The following RBFOX1 variants were observed in gnomAD, a reference collection of about 807,000 sequenced individuals.
The protein encoded by RBFOX1 is RNA binding protein fox-1 homolog 1.
Under a neutral mutation model 57.7 loss-of-function variants are expected in RBFOX1, and 8 were observed. That is an observed-to-expected ratio of 0.14 (90% CI 0.08 to 0.25). The LOEUF is 0.25. Ranked by LOEUF, RBFOX1 falls within the 10% of genes least tolerant of loss-of-function variation. The pLI is 1.00. For synonymous variants in RBFOX1, 326 were observed against 222.4 expected, an observed-to-expected ratio of 1.47 and a Z score of -4.15; for missense variants, 611 against 548.5, an observed-to-expected ratio of 1.11 and a Z score of -1.14.
intron 1 of RBFOX1, among the ~76,000 whole-genome samples, chr16:5,290,266 G>A (rs188778628): frequency 1.1e-4 from 16 of 152,324 alleles, no homozygotes; most frequent in Middle Eastern, 3.4e-3. Flanking sequence ...GGAGGCTGAG[G>A]CAGGAGAATT....
chr16:7,368,060 G>A (rs975604946), intron 4 of RBFOX1, among the ~76,000 whole-genome samples: 5 of 151,802 alleles, frequency 3.3e-5, no homozygotes, highest in Non-Finnish European at 5.9e-5. Context: ...TGAGGTCAGG[G>A]GTTTGAGACC....
intron 3 of RBFOX1, among the ~76,000 whole-genome samples, chr16:5,697,555 A>G (rs1002221270): frequency 3.4e-4 from 40 of 116,416 alleles, no homozygotes; most frequent in African/African-American, 1.2e-3. Context: ...TTTTTTTGAG[A>G]TAGAGTCTCG....
At chr16:5,747,267 G>A (rs1260929369) in intron 3 of RBFOX1, among the ~76,000 whole-genome samples, 1 of 152,190 alleles carries the variant, frequency 6.6e-6, no homozygotes. Context: ...TTTGTGATGT[G>A]CTGCTGGATT....
intron 4 of RBFOX1, among the ~76,000 whole-genome samples, chr16:7,507,667 C>T (rs774936401): frequency 1.3e-5 from 2 of 149,094 alleles, no homozygotes; most frequent in Non-Finnish European, 3.0e-5. Flanking sequence ...GGGTTCACGC[C>T]ATTCTTCTGC....
chr16:6,856,193 G>A (rs1169801566), intron 3 of RBFOX1, among the ~76,000 whole-genome samples: 2 of 151,290 alleles, frequency 1.3e-5, no homozygotes, highest in African/African-American at 2.4e-5. Context: ...AATGTGTATT[G>A]AGAACCAGAT....
Position 7,676,797 on chromosome 16 carries a change from C to T in RBFOX1, c.954C>T (p.Tyr318=), listed in dbSNP as rs182244522. Residue 318 remains tyrosine (Y), a synonymous_variant, in exon 14 of 16, where the codon TAC becomes TAT. Coordinates refer to ENST00000550418, the MANE Select transcript of RBFOX1 (RefSeq NM_018723.4). The stretch of plus-strand genomic sequence containing the variant: ...AGGGTGGTTATGCTGCATACCGCTA[C>T]GCCCAGCCTACCCCTGCCACTGCCG... The part of the protein sequence containing the change: ...DIYGGYAAYR[Y]AQPTPATAAA... 5.6e-5 allele frequency: 90 copies of T among 1,613,262 alleles called. 1 individual carries two copies. The highest frequency in any genetic ancestry group is 2.5e-4 in the African/African-American group (19 of 75,004).
At chr16:5,495,279 A>G (rs1226428831) in intron 2 of RBFOX1, among the ~76,000 whole-genome samples, 2 of 152,208 alleles carry the variant, frequency 1.3e-5, no homozygotes, top group African/African-American at 2.4e-5. Context: ...AACTTTGGAT[A>G]CCAGTCTTTC....
intron 2 of RBFOX1, among the ~76,000 whole-genome samples, chr16:6,487,333 T>A (rs2095507286): frequency 6.6e-6 from 1 of 152,112 alleles, no homozygotes. Flanking sequence ...TCCATAAAAA[T>A]TTCAAAGTGT....
At chr16:6,835,596 A>T (rs1373206697) in intron 3 of RBFOX1, among the ~76,000 whole-genome samples, 1 of 150,794 alleles carries the variant, frequency 6.6e-6, no homozygotes, top group African/African-American at 2.5e-5. Flanking sequence ...TACCAAAAAT[A>T]AAAAAAAGTA....
intron 4 of RBFOX1, among the ~76,000 whole-genome samples, chr16:5,978,074 C>G (rs914811523): frequency 4.8e-5 from 6 of 124,420 alleles, no homozygotes; most frequent in African/African-American, 1.8e-4. Flanking sequence ...GGATCACTTG[C>G]AGGGCAGGAG....
At chr16:5,833,388 A>G (rs1050483500) in intron 3 of RBFOX1, among the ~76,000 whole-genome samples, 1 of 151,344 alleles carries the variant, frequency 6.6e-6, no homozygotes, top group Non-Finnish European at 1.5e-5. Flanking sequence ...CCAGCTACTC[A>G]GGAGGCTGAG....
intron 4 of RBFOX1, among the ~76,000 whole-genome samples, chr16:5,969,933 G>A (rs763943124): frequency 5.9e-5 from 9 of 152,036 alleles, no homozygotes; most frequent in Non-Finnish European, 8.8e-5. Flanking sequence ...GAGTTTGAAC[G>A]TTTGCAGGGA....
intron 2 of RBFOX1, among the ~76,000 whole-genome samples, chr16:6,387,165 G>A (rs541389277): frequency 1.3e-5 from 2 of 152,268 alleles, no homozygotes; most frequent in East Asian, 1.9e-4. Flanking sequence ...AGGATGAAGC[G>A]TTGGCCTTGA....
At chr16:7,022,787 A>G (rs1440029067) in intron 3 of RBFOX1, among the ~76,000 whole-genome samples, 2 of 152,214 alleles carry the variant, frequency 1.3e-5, no homozygotes, top group Non-Finnish European at 2.9e-5. Context: ...CATTTTATCC[A>G]TGAGACAAGT....
At chr16:6,585,424 G>C (rs1600652644) in intron 2 of RBFOX1, among the ~76,000 whole-genome samples, 2 of 151,986 alleles carry the variant, frequency 1.3e-5, no homozygotes, top group South Asian at 4.2e-4. Context: ...TTAATTCTAA[G>C]GTTGACTTGT....
intron 4 of RBFOX1, among the ~76,000 whole-genome samples, chr16:7,224,113 A>T (rs1189110329): frequency 9.7e-6 from 1 of 103,080 alleles, no homozygotes; most frequent in African/African-American, 3.9e-5. Flanking sequence ...TTCTATCCTG[A>T]TTCTTCCTTT....
chr16:7,136,560 C>T (rs1024550330), intron 4 of RBFOX1, among the ~76,000 whole-genome samples: 1 of 152,006 alleles, frequency 6.6e-6, no homozygotes, highest in Non-Finnish European at 1.5e-5. Flanking sequence ...GTGCACGCCA[C>T]CACACCTAGC....
chr16:5,621,753 T>A (rs931692207), intron 3 of RBFOX1, among the ~76,000 whole-genome samples: 1 of 152,076 alleles, frequency 6.6e-6, no homozygotes, highest in African/African-American at 2.4e-5. Flanking sequence ...AAGAATGGAG[T>A]CATTAACTCC....
intron 3 of RBFOX1, among the ~76,000 whole-genome samples, chr16:6,948,375 CTTTTTTTTTTTTTT>C (rs968186299): frequency 1.5e-5 from 1 of 67,968 alleles, no homozygotes; most frequent in Non-Finnish European, 2.8e-5. Context: ...TTCTCCCTTT[CTTTTTTTTTTTTTT>C]TTTTTTTTTT....
Sources: gnomAD v4.1 joint callset for allele counts (sites outside exome capture counted in the v4.1 genomes callset) on GRCh38, gnomAD v4.1.1 for gene constraint, MANE v1.5 for transcripts, NCBI Gene and HGNC (gene_info 2026-07-23, HGNC 2026-07-21) for gene names.